The following NTM variants were observed in gnomAD, a reference collection of about 807,000 sequenced individuals.
The protein encoded by NTM is neurotrimin.
Under a neutral mutation model 42.1 loss-of-function variants are expected in NTM, and 13 were observed. The ratio of observed to expected loss-of-function variants is 0.31; its 90% CI spans 0.20 to 0.49. The LOEUF is 0.49. NTM is among the 20% of genes least tolerant of loss of function. The pLI is 0.99. For missense variants in NTM, 373 were observed against 452.8 expected (o/e 0.82, Z 1.60); for synonymous variants, 187 against 179.2 (o/e 1.04, Z -0.35).
chr11:131,422,990 T>C (rs1947692068), intron 1 of NTM, among the ~76,000 whole-genome samples: 1 of 152,228 alleles, frequency 6.6e-6, no homozygotes, highest in African/African-American at 2.4e-5. Context: ...ATTTATTATG[T>C]GCCAGGAATT....
chr11:131,691,015 C>A (rs970168770), intron 1 of NTM, among the ~76,000 whole-genome samples: 3 of 152,064 alleles, frequency 2.0e-5, no homozygotes, highest in Non-Finnish European at 4.4e-5. Flanking sequence ...GATCACTCAG[C>A]GGGGCCTTGC....
At chr11:131,469,574 G>A (rs140479569) in intron 1 of NTM, among the ~76,000 whole-genome samples, 8 of 152,288 alleles carry the variant, frequency 5.3e-5, no homozygotes, top group African/African-American at 1.2e-4. Context: ...TGCCTTGGGC[G>A]CTGCCTATAC....
At chr11:131,475,434 C>T (rs1952828052) in intron 1 of NTM, among the ~76,000 whole-genome samples, 1 of 152,072 alleles carries the variant, frequency 6.6e-6, no homozygotes, top group South Asian at 2.1e-4. Flanking sequence ...ATGACAGGTA[C>T]AGAGGGTGTA....
At chr11:131,642,031 T>G (rs1043675199) in intron 1 of NTM, among the ~76,000 whole-genome samples, 1 of 152,108 alleles carries the variant, frequency 6.6e-6, no homozygotes, top group Non-Finnish European at 1.5e-5. Flanking sequence ...GGCCCCAATA[T>G]TCTAGATTTT....
intron 1 of NTM, among the ~76,000 whole-genome samples, chr11:131,832,065 G>A (rs2042886630): frequency 6.6e-6 from 1 of 150,416 alleles, no homozygotes; most frequent in African/African-American, 2.4e-5. Context: ...CATACAGGTG[G>A]ATGAACCAAA....
At chr11:131,972,042 C>CAAAAAAAAACAA (rs2063621616) in intron 2 of NTM, among the ~76,000 whole-genome samples, 1 of 57,842 alleles carries the variant, frequency 1.7e-5, no homozygotes, top group Non-Finnish European at 3.3e-5. Flanking sequence ...GACTCCGTCT[C>CAAAAAAAAACAA]AAAAAAAAAA....
chr11:132,127,679 G>T (rs1383230215), intron 2 of NTM, among the ~76,000 whole-genome samples: 4 of 152,204 alleles, frequency 2.6e-5, no homozygotes, highest in Non-Finnish European at 4.4e-5. Context: ...TTTTCCTTGA[G>T]CCAGAGCGGC....
intron 2 of NTM, among the ~76,000 whole-genome samples, chr11:132,139,255 T>C (rs1270618793): frequency 6.6e-6 from 1 of 152,214 alleles, no homozygotes; most frequent in Non-Finnish European, 1.5e-5. Context: ...TGCCCCACCT[T>C]GCCCAGGTTA....
At chr11:131,816,748 C>A (rs1428528544) in intron 1 of NTM, among the ~76,000 whole-genome samples, 1 of 151,974 alleles carries the variant, frequency 6.6e-6, no homozygotes, top group Non-Finnish European at 1.5e-5. Context: ...TCCTAGGAGC[C>A]CTATTCAGAG....
chr11:131,786,354 A>C (rs1054280876), intron 1 of NTM, among the ~76,000 whole-genome samples: 4 of 152,226 alleles, frequency 2.6e-5, no homozygotes, highest in African/African-American at 9.6e-5. Flanking sequence ...CATTGGGGTT[A>C]TATCTGTTTT....
chr11:132,069,624 G>A lies in NTM; in HGVS notation c.168-76658G>A, dbSNP rs1298117802. 1.7e-4 allele frequency among the ~76,000 whole-genome samples: 23 copies of A among 134,026 alleles called. 1 individual carries two copies. Among genetic ancestry groups the A allele is most frequent in the Middle Eastern group, 6.3e-3 (1 of 158 alleles). 87.9% of individuals were successfully genotyped at this position (134,026 alleles called of 152,430 possible). On this transcript the variant is annotated intron_variant, in intron 2 of 8. Coordinates refer to ENST00000683400, the MANE Select transcript of NTM (RefSeq NM_001352005.2). ...GACAAGTTAACACATCACACTGACC[G>A]TCACAGGTTAGTTAACAGGTCACCC...
intron 1 of NTM, among the ~76,000 whole-genome samples, chr11:131,432,264 G>T (rs922787174): frequency 1.3e-5 from 2 of 152,174 alleles, no homozygotes; most frequent in African/African-American, 4.8e-5. Flanking sequence ...GCCAGTCCGT[G>T]AGGAAATGTC....
At chr11:132,106,814 C>T (rs557870641) in intron 2 of NTM, among the ~76,000 whole-genome samples, 8 of 152,170 alleles carry the variant, frequency 5.3e-5, no homozygotes, top group African/African-American at 9.7e-5. Flanking sequence ...GATGACTCTT[C>T]GCTGCCTGTG....
intron 1 of NTM, among the ~76,000 whole-genome samples, chr11:131,699,958 G>A (rs1023497637): frequency 1.7e-4 from 24 of 137,802 alleles, no homozygotes; most frequent in African/African-American, 6.9e-4. Flanking sequence ...GTGTGTGTGT[G>A]TGTGTATTCA....
intron 1 of NTM, among the ~76,000 whole-genome samples, chr11:131,590,419 A>G (rs897137821): frequency 1.3e-5 from 2 of 152,166 alleles, no homozygotes; most frequent in East Asian, 3.9e-4. Context: ...TGGAAGCCCA[A>G]AGTAACAGCC....
At chr11:132,320,937 G>C (rs2095552301) in intron 7 of NTM, among the ~76,000 whole-genome samples, 2 of 151,160 alleles carry the variant, frequency 1.3e-5, no homozygotes, top group Admixed American at 6.6e-5. Context: ...ACACTGCAGG[G>C]TACTCCAACA....
At chr11:131,767,670 C>A (rs754317360) in intron 1 of NTM, among the ~76,000 whole-genome samples, 1 of 152,192 alleles carries the variant, frequency 6.6e-6, no homozygotes, top group Admixed American at 6.5e-5. Flanking sequence ...AATCCACCGG[C>A]ACTGTGACCT....
At chr11:132,311,812 G>T (rs1453476541) in intron 6 of NTM, among the ~76,000 whole-genome samples, 17 of 152,170 alleles carry the variant, frequency 1.1e-4, no homozygotes, top group Admixed American at 1.1e-3. Flanking sequence ...TAAAGCAAAA[G>T]TGGCCAATGG....
intron 4 of NTM, among the ~76,000 whole-genome samples, chr11:132,263,393 C>T (rs1220084643): frequency 2.6e-5 from 4 of 152,174 alleles, no homozygotes; most frequent in Non-Finnish European, 2.9e-5. Context: ...AATCAGACAA[C>T]CTTCCTTCCT....
Sources: allele counts gnomAD v4.1 joint callset (sites outside exome capture counted in the v4.1 genomes callset), GRCh38; gene constraint gnomAD v4.1.1; transcripts MANE v1.5; gene names NCBI Gene and HGNC (gene_info 2026-07-23, HGNC 2026-07-21).